Variants in KLF8 observed in about 807,000 individuals in gnomAD.
The protein encoded by KLF8 is KLF transcription factor 8, also known as Krueppel-like factor 8.
Under a neutral mutation model 18.2 loss-of-function variants are expected in KLF8, and 10 were observed. The ratio of observed to expected loss-of-function variants is 0.55; its 90% CI spans 0.34 to 0.93. The LOEUF (loss-of-function observed/expected upper bound fraction) is 0.93. KLF8 is among the 40% of genes least tolerant of loss of function. The pLI, the probability that KLF8 is intolerant of heterozygous loss-of-function variation, is 0.02. For missense variants in KLF8, 264 were observed against 277.9 expected (o/e 0.95, Z 0.36); for synonymous variants, 109 against 97.3 (o/e 1.12, Z -0.71).
chrX:56,051,667 G>A, the KLF8 span, among the ~76,000 whole-genome samples: 1 of 110,205 alleles, frequency 9.1e-6, no homozygotes. Context: ...TCCCTTTGAG[G>A]GTAACCCGAC....
chrX:56,039,872 G>A, the KLF8 span, among the ~76,000 whole-genome samples: 73 of 111,101 alleles, frequency 6.6e-4, no homozygotes, highest in African/African-American at 2.1e-3. Context: ...CATGGAATAT[G>A]TATTTGTTTG....
At chrX:56,088,762 A>G in the KLF8 span, among the ~76,000 whole-genome samples, 1,009 of 111,198 alleles carry the variant, frequency 9.1e-3, 16 homozygotes, top group African/African-American at 0.031. Context: ...TCACTGGGCC[A>G]TGTTATGGGT....
chrX:56,005,685 C>G, the KLF8 span, among the ~76,000 whole-genome samples: 1 of 112,481 alleles, frequency 8.9e-6, no homozygotes, highest in Non-Finnish European at 1.9e-5. Flanking sequence ...GCAGGATAGG[C>G]ATGGCAGGGT....
the KLF8 span, among the ~76,000 whole-genome samples, chrX:55,966,944 A>G: frequency 8.9e-6 from 1 of 112,241 alleles, no homozygotes; most frequent in African/African-American, 3.2e-5. Flanking sequence ...AAAAACAATC[A>G]AGAAAAAAAT....
intron 2 of KLF8, among the ~76,000 whole-genome samples, chrX:56,255,018 C>G (rs2147620929): frequency 8.9e-6 from 1 of 112,528 alleles, no homozygotes; most frequent in East Asian, 2.8e-4. Context: ...TCAGTATGGA[C>G]ATTTCAACAA....
At chrX:55,938,014 A>G in the KLF8 span, among the ~76,000 whole-genome samples, 1 of 111,444 alleles carries the variant, frequency 9.0e-6, no homozygotes, top group Non-Finnish European at 1.9e-5. Context: ...AATTCAGGAA[A>G]TACAGAGAAT....
chrX:56,080,763 C>T, the KLF8 span, among the ~76,000 whole-genome samples: 25 of 111,860 alleles, frequency 2.2e-4, no homozygotes, highest in Admixed American at 3.8e-4. Flanking sequence ...TGGTTCCATT[C>T]TCCCCATCAC....
chrX:56,156,327 A>G, the KLF8 span, among the ~76,000 whole-genome samples: 2 of 110,940 alleles, frequency 1.8e-5, no homozygotes, highest in Non-Finnish European at 3.8e-5. Flanking sequence ...AGATTATTTC[A>G]TCACCCAGGT....
chrX:55,973,632 A>G, the KLF8 span, among the ~76,000 whole-genome samples: 1 of 112,382 alleles, frequency 8.9e-6, no homozygotes, highest in South Asian at 3.7e-4. Context: ...TAAAAATCAA[A>G]ACCACCATGT....
chrX:56,047,715 G>A, the KLF8 span, among the ~76,000 whole-genome samples: 30 of 111,138 alleles, frequency 2.7e-4, no homozygotes, highest in East Asian at 3.9e-3. Flanking sequence ...GAATAGTGCC[G>A]CAGTAAACAT....
chrX:55,950,642 G>A, the KLF8 span, among the ~76,000 whole-genome samples: 57,781 of 110,440 alleles, frequency 0.52, 13,507 homozygotes, highest in East Asian at 0.75. Context: ...ACCCTGTCTA[G>A]GCAAGCCCCT....
At chrX:56,092,153 A>AT in the KLF8 span, among the ~76,000 whole-genome samples, 1 of 110,279 alleles carries the variant, frequency 9.1e-6, no homozygotes, top group Non-Finnish European at 1.9e-5. Flanking sequence ...TCCTTTGCCC[A>AT]TTTTTAAATA....
At chrX:55,961,935 G>T in the KLF8 span, 1 of 192,009 alleles carries the variant, frequency 5.2e-6, no homozygotes, top group African/African-American at 3.0e-5. Flanking sequence ...CCTAGCAAGG[G>T]TTTGCTAGTG....
the KLF8 span, among the ~76,000 whole-genome samples, chrX:56,063,497 C>A: frequency 9.0e-6 from 1 of 111,729 alleles, no homozygotes; most frequent in East Asian, 2.8e-4. Context: ...GCAGAGGCTG[C>A]AGAACACAAA....
the KLF8 span, among the ~76,000 whole-genome samples, chrX:56,153,361 A>T: frequency 9.1e-6 from 1 of 110,427 alleles, no homozygotes; most frequent in African/African-American, 3.3e-5. Flanking sequence ...CTCAAGAAAA[A>T]AAAAAAGAGT....
At chrX:56,270,348 A>G in intron 5 of KLF8, 27 bp downstream of exon 5, 1 of 616,970 alleles carries the variant, frequency 1.6e-6, no homozygotes, top group Non-Finnish European at 2.0e-6. Flanking sequence ...CTCACCCCCA[A>G]CACACACACA....
At chrX:55,961,509 G>T in the KLF8 span, 1 of 550,014 alleles carries the variant, frequency 1.8e-6, no homozygotes, top group Admixed American at 2.2e-5. Context: ...TTGGGGGTCT[G>T]GCTGAATTTT....
the KLF8 span, among the ~76,000 whole-genome samples, chrX:56,076,110 C>T: frequency 1.6e-4 from 17 of 109,192 alleles, no homozygotes; most frequent in African/African-American, 5.5e-4. Flanking sequence ...TTTCCAATTT[C>T]ATCCATGTCC....
chrX:56,242,245 G>A (rs910480894), intron 1 of KLF8, among the ~76,000 whole-genome samples: 1 of 112,145 alleles, frequency 8.9e-6, no homozygotes, highest in Non-Finnish European at 1.9e-5. Flanking sequence ...TGAGAGAAGC[G>A]CAACTGGCTG....
Sources: allele counts gnomAD v4.1 joint callset (sites outside exome capture counted in the v4.1 genomes callset), GRCh38; gene constraint gnomAD v4.1.1; transcripts MANE v1.5; gene names NCBI Gene and HGNC (gene_info 2026-07-23, HGNC 2026-07-21).